The following ST18 variants were observed in gnomAD, a reference collection of about 807,000 sequenced individuals.
ST18 encodes the protein ST18 C2H2C-type zinc finger transcription factor, also known as suppression of tumorigenicity 18 protein.
A neutral mutation model predicts 110.0 loss-of-function variants in ST18; 50 were observed. That is an observed-to-expected ratio of 0.45 (90% confidence interval 0.36 to 0.58). The LOEUF (loss-of-function observed/expected upper bound fraction) is 0.58, where lower values mean the gene tolerates loss of function less well. Ranked by LOEUF, ST18 falls within the 20% of genes least tolerant of loss-of-function variation. The pLI is 0.00. For missense variants in ST18, 1,306 were observed against 1,280.1 expected (o/e 1.02, Z -0.31); for synonymous variants, 461 against 452.4 (o/e 1.02, Z -0.24).
intron 2 of ST18, among the ~76,000 whole-genome samples, chr8:52,286,895 CTT>C (rs2139262669): frequency 6.6e-6 from 1 of 152,086 alleles, no homozygotes; most frequent in African/African-American, 2.4e-5. Context: ...GGGGCTGTGG[CTT>C]GGAAGTCTGT....
At chr8:52,216,403 C>T (rs1465869107) in intron 6 of ST18, among the ~76,000 whole-genome samples, 1 of 152,036 alleles carries the variant, frequency 6.6e-6, no homozygotes, top group Non-Finnish European at 1.5e-5. Flanking sequence ...TATAGATATC[C>T]TATACAAACA....
At chr8:52,118,512 G>T in intron 23 of ST18, 71 bp from the exon 24 acceptor site, 1 of 847,660 alleles carries the variant, frequency 1.2e-6, no homozygotes, top group Non-Finnish European at 1.8e-6. Flanking sequence ...TGTTTAATTT[G>T]TGATTTGCTA....
At chr8:52,163,050 A>G (rs1240902931) in intron 13 of ST18, among the ~76,000 whole-genome samples, 3 of 152,206 alleles carry the variant, frequency 2.0e-5, no homozygotes, top group Admixed American at 2.0e-4. Flanking sequence ...GAAATTCAAT[A>G]TTCTTTCTAT....
chr8:52,260,375 A>G (rs1225622970), intron 2 of ST18, among the ~76,000 whole-genome samples: 2 of 152,134 alleles, frequency 1.3e-5, no homozygotes, highest in Non-Finnish European at 2.9e-5. Flanking sequence ...TGAATTATAT[A>G]TGGTCCATGC....
chr8:52,230,271 C>T (rs1285809257), intron 2 of ST18, among the ~76,000 whole-genome samples, 194 bp from the exon 3 acceptor site: 5 of 152,110 alleles, frequency 3.3e-5, no homozygotes, highest in Non-Finnish European at 7.4e-5. Context: ...AGAACTCTGT[C>T]TTAACAAGAA....
chr8:52,357,205 C>A (rs1356168883), intron 2 of ST18, among the ~76,000 whole-genome samples: 1 of 151,990 alleles, frequency 6.6e-6, no homozygotes, highest in African/African-American at 2.4e-5. Context: ...AGCATTTATC[C>A]TTTGTGTTAC....
intron 2 of ST18, among the ~76,000 whole-genome samples, chr8:52,346,494 C>T (rs951023679): frequency 6.6e-5 from 10 of 152,092 alleles, no homozygotes; most frequent in African/African-American, 2.4e-4. Flanking sequence ...GACCACAAGG[C>T]CCCTAGTGGG....
chr8:52,157,770 CT>C (rs1444041324), intron 15 of ST18, among the ~76,000 whole-genome samples: 1 of 152,240 alleles, frequency 6.6e-6, no homozygotes, highest in African/African-American at 2.4e-5. Flanking sequence ...AATTCTGATT[CT>C]TCTGTCAAAT....
intron 2 of ST18, among the ~76,000 whole-genome samples, chr8:52,300,539 A>T (rs2095703320): frequency 6.6e-6 from 1 of 152,174 alleles, no homozygotes; most frequent in Admixed American, 6.5e-5. Flanking sequence ...TGGCAGACAG[A>T]ATTATGGGCC....
intron 2 of ST18, among the ~76,000 whole-genome samples, chr8:52,374,320 C>A (rs1831351883): frequency 6.6e-6 from 1 of 151,792 alleles, no homozygotes. Context: ...GGAATGGAGG[C>A]AGAGGCTGGG....
chr8:52,160,090 A>G (rs907075851), intron 14 of ST18, among the ~76,000 whole-genome samples: 5 of 152,196 alleles, frequency 3.3e-5, no homozygotes, highest in South Asian at 2.1e-4. Context: ...TTAAAAATCA[A>G]TGTCCGTACT....
intron 2 of ST18, among the ~76,000 whole-genome samples, chr8:52,291,757 T>G (rs1327008564): frequency 3.3e-5 from 5 of 151,144 alleles, no homozygotes; most frequent in African/African-American, 7.3e-5. Flanking sequence ...ATAAACAAGG[T>G]TTTTTTTTGT....
chr8:52,189,620 AGTCTCTTTTCTTAAGGACCTATG>A (rs1054749364), intron 8 of ST18, among the ~76,000 whole-genome samples: 1 of 152,178 alleles, frequency 6.6e-6, no homozygotes, highest in African/African-American at 2.4e-5. Flanking sequence ...AGGTCTCCCT[AGTCTCTTTTCTTAAGGACCTATG>A]GTCGTTTACT....
Position 52,126,044 on chromosome 8 carries a change from G to T in ST18, c.2755+8C>A, listed in dbSNP as rs1044305297. The T allele has an allele frequency of 3.1e-6, 5 of 1,613,690 alleles. No individual in the cohort carries two copies. Among genetic ancestry groups the T allele is most frequent in the Non-Finnish European group, 4.2e-6 (5 of 1,179,806 alleles). On this transcript the variant is annotated splice_region_variant and intron_variant, in intron 23 of 25. Coordinates refer to ENST00000689386, the MANE Select transcript of ST18 (RefSeq NM_001352837.2). The stretch of plus-strand genomic sequence containing the variant: ...AGGAGGTGGTGACAGCCAGCCCTGT[G>T]CTCTTACCCCCAGTTGCTTTGAGCT...
intron 7 of ST18, among the ~76,000 whole-genome samples, chr8:52,213,753 A>C (rs539687971): frequency 6.6e-6 from 1 of 152,294 alleles, no homozygotes; most frequent in South Asian, 2.1e-4. Flanking sequence ...AGACAGTCAA[A>C]AAACAAACAC....
chr8:52,401,351 C>T (rs1842769742), intron 2 of ST18, among the ~76,000 whole-genome samples: 1 of 152,154 alleles, frequency 6.6e-6, no homozygotes, highest in East Asian at 1.9e-4. Flanking sequence ...CTTCATAAAT[C>T]TGCATGTCCA....
intron 16 of ST18, among the ~76,000 whole-genome samples, chr8:52,146,336 G>A (rs182456478): frequency 2.1e-4 from 32 of 152,058 alleles, no homozygotes; most frequent in African/African-American, 7.5e-4. Flanking sequence ...AACTGTTGCC[G>A]CCAACACACC....
intron 2 of ST18, among the ~76,000 whole-genome samples, chr8:52,264,313 G>A (rs2094799555): frequency 6.6e-6 from 1 of 152,130 alleles, no homozygotes; most frequent in Non-Finnish European, 1.5e-5. Flanking sequence ...AATCTAGTGT[G>A]AAAATCACTG....
chr8:52,126,315 C>T (rs1318289752), intron 22 of ST18, among the ~76,000 whole-genome samples, 175 bp from the exon 23 acceptor site: 3 of 152,174 alleles, frequency 2.0e-5, no homozygotes, highest in Non-Finnish European at 4.4e-5. Context: ...AGGCCAAAGG[C>T]CCTCAAATAA....
Sources: gnomAD v4.1 joint callset for allele counts (sites outside exome capture counted in the v4.1 genomes callset) on GRCh38, gnomAD v4.1.1 for gene constraint, MANE v1.5 for transcripts, NCBI Gene and HGNC (gene_info 2026-07-23, HGNC 2026-07-21) for gene names.